The following ATP13A3 variants were observed in gnomAD, a reference collection of about 807,000 sequenced individuals.
ATP13A3 encodes ATPase 13A3.
ATP13A3 carries 59 observed loss-of-function variants against 158.1 expected under a neutral mutation model. The ratio of observed to expected loss-of-function variants is 0.37; its 90% CI spans 0.30 to 0.46. The LOEUF (loss-of-function observed/expected upper bound fraction) is 0.46, where lower values mean the gene tolerates loss of function less well. ATP13A3 is among the 20% of genes least tolerant of loss of function. The pLI, the probability that ATP13A3 is intolerant of heterozygous loss-of-function variation, is 1.00. For missense variants in ATP13A3, 1,166 were observed against 1,525.2 expected (o/e 0.76, Z 3.92); for synonymous variants, 491 against 504.3 (o/e 0.97, Z 0.35).
At chr3:194,440,514 AT>A (rs1249834339) in intron 16 of ATP13A3, among the ~76,000 whole-genome samples, 5 of 152,184 alleles carry the variant, frequency 3.3e-5, no homozygotes, top group African/African-American at 7.2e-5. Flanking sequence ...ACCATCCCCC[AT>A]CCCCCAACAA....
At chr3:194,430,442 G>A (rs1034346975) in intron 24 of ATP13A3, 127 bp from the exon 25 acceptor site, 1 of 1,065,734 alleles carries the variant, frequency 9.4e-7, no homozygotes, top group Non-Finnish European at 1.4e-6. Flanking sequence ...GTGGAACTAT[G>A]AATCTTTTCA....
rs529744750 is a variant in ATP13A3, at chr3:194,437,557, G to A, written c.1844C>T (p.Pro615Leu). The A allele has an allele frequency of 3.1e-6, 5 of 1,609,034 alleles. No homozygotes were observed. In the African/African-American group the frequency reaches 5.4e-5, roughly 17 times the overall value. Residue 615 changes from proline (P) to leucine (L), a missense_variant and splice_region_variant, in exon 18 of 34, where the codon CCA (proline) becomes CTA (leucine). Pro to Leu is a moderately conservative substitution (Grantham distance 98, BLOSUM62 -3). Around this residue, in one of 3 missense-constraint regions of ATP13A3, gnomAD observed 997 missense variants for 1,341.2 expected, o/e 0.74. Transcript: ENST00000645319. Reference protein sequence around the residue: ...GNQEMELFELPATYEIGIVRQ... With the variant: ...GNQEMELFELLATYEIGIVRQ... ...AAGAAGTAAACATTCTTCACTTACTGGAAGTTCAAACAGCTCCTAAAAACG... is the reference window on the plus strand; with the variant it reads ...AAGAAGTAAACATTCTTCACTTACTAGAAGTTCAAACAGCTCCTAAAAACG...
chr3:194,437,824 C>A (rs1717766563), intron 17 of ATP13A3, among the ~76,000 whole-genome samples: 1 of 152,024 alleles, frequency 6.6e-6, no homozygotes, highest in Non-Finnish European at 1.5e-5. Context: ...CTAAGGGGTG[C>A]AAGCAAGTGT....
Position 194,427,241 on chromosome 3 carries a change from G to T in ATP13A3, c.2959C>A (p.Pro987Thr). 6.2e-7 allele frequency: 1 copy of T among 1,600,682 alleles called. No homozygotes were observed. The highest frequency in any genetic ancestry group is 8.5e-7 in the Non-Finnish European group (1 of 1,176,868). ...LVVVFTMSLN[P>T]AWKELVAQRP... ...TGTGCCACAAGTTCTTTCCAGGCAGGATTTAAACTCACTATATTGAAAAGA... is the reference window on the plus strand; with the variant it reads ...TGTGCCACAAGTTCTTTCCAGGCAGTATTTAAACTCACTATATTGAAAAGA... The change falls in exon 29 of 34, where the codon CCT (proline) becomes ACT (threonine). Residue 987 changes from proline to threonine, a missense_variant. By Grantham distance (38) the Pro-to-Thr change is conservative (BLOSUM62 -1). Transcript: ENST00000645319.
chr3:194,419,755 T>C, intron 31 of ATP13A3, 124 bp downstream of exon 31: 1 of 1,410,360 alleles, frequency 7.1e-7, no homozygotes, highest in Non-Finnish European at 9.3e-7. Flanking sequence ...CTTTATTCTC[T>C]GTAGAGTATC....
At chr3:194,430,235 T>G in intron 25 of ATP13A3, 38 bp downstream of exon 25, 1 of 1,613,278 alleles carries the variant, frequency 6.2e-7, no homozygotes, top group African/African-American at 1.3e-5. Context: ...TAGGCTAGAG[T>G]AAGAACTATA....
intron 2 of ATP13A3, among the ~76,000 whole-genome samples, chr3:194,465,358 A>C (rs1388752587): frequency 6.6e-6 from 1 of 152,130 alleles, no homozygotes; most frequent in East Asian, 1.9e-4. Flanking sequence ...TAAGAACACG[A>C]CTGACCTGCA....
intron 1 of ATP13A3, among the ~76,000 whole-genome samples, 199 bp downstream of exon 1, chr3:194,486,367 C>T (rs992903360): frequency 4.6e-5 from 7 of 151,286 alleles, no homozygotes; most frequent in Admixed American, 6.6e-5. Flanking sequence ...GGCGGCGCGT[C>T]CCCCCCAGGC....
At chr3:194,472,515 C>T (rs931318737) in intron 2 of ATP13A3, among the ~76,000 whole-genome samples, 1 of 152,136 alleles carries the variant, frequency 6.6e-6, no homozygotes, top group Non-Finnish European at 1.5e-5. Flanking sequence ...GGAGAAAAGG[C>T]TGAGTTACAA....
chr3:194,461,744 G>A (rs569012875), intron 3 of ATP13A3, among the ~76,000 whole-genome samples: 1 of 152,004 alleles, frequency 6.6e-6, no homozygotes, highest in East Asian at 1.9e-4. Flanking sequence ...CATCTTTCTG[G>A]CTCCCCCCAA....
intron 30 of ATP13A3, 86 bp downstream of exon 30, chr3:194,425,256 G>T: frequency 8.0e-7 from 1 of 1,243,808 alleles, no homozygotes. Context: ...CTGGTTTACT[G>T]TGGCAAAGAC....
chr3:194,454,479 T>C, intron 8 of ATP13A3, 87 bp from the exon 9 acceptor site: 2 of 1,312,428 alleles, frequency 1.5e-6, no homozygotes, highest in Non-Finnish European at 2.1e-6. Context: ...AACAAAAAGA[T>C]ACAAATATGT....
At chr3:194,437,072 C>T in intron 20 of ATP13A3, 23 bp downstream of exon 20, 1 of 1,608,982 alleles carries the variant, frequency 6.2e-7, no homozygotes, top group South Asian at 1.1e-5. Flanking sequence ...GACTGGGAAA[C>T]TAGGAAAGCC....
intron 2 of ATP13A3, among the ~76,000 whole-genome samples, chr3:194,471,454 A>G (rs1720302431): frequency 6.6e-6 from 1 of 152,038 alleles, no homozygotes; most frequent in African/African-American, 2.4e-5. Context: ...TCCGGGTTCA[A>G]GCAATTCTCT....
chr3:194,407,988 C>A (rs933386647), intron 33 of ATP13A3, among the ~76,000 whole-genome samples: 2 of 151,722 alleles, frequency 1.3e-5, no homozygotes, highest in Non-Finnish European at 2.9e-5. Context: ...GGGAAAAAAA[C>A]CACTGTTCCT....
At chr3:194,486,334 G>C (rs1250021274) in intron 1 of ATP13A3, among the ~76,000 whole-genome samples, 3 of 151,892 alleles carry the variant, frequency 2.0e-5, no homozygotes, top group African/African-American at 4.8e-5. Flanking sequence ...CCAAGCGCCC[G>C]GCCCCCACGC....
At chr3:194,453,376 T>C (rs921321113) in intron 10 of ATP13A3, among the ~76,000 whole-genome samples, 2 of 150,984 alleles carry the variant, frequency 1.3e-5, no homozygotes, top group East Asian at 3.9e-4. Flanking sequence ...GCAGATCACT[T>C]CAGCCCAGAA....
In ATP13A3 at chr3:194,494,297, C is replaced by T. The variant is rs1314821107; in HGVS notation, n.516-17G>A. On this transcript the variant is annotated splice_polypyrimidine_tract_variant and intron_variant and non_coding_transcript_variant, in intron 1 of 32. Coordinates refer to the ATP13A3 transcript ENST00000687055. The surrounding 1 kb of genome is among the most constrained non-coding windows in gnomAD (Gnocchi z 4.2). Reference sequence around the variant, plus strand: ...GAAAGTATGCTGAGTAAGTGGAGAACAAGTTAACATTGATTTTCACAACCA... The same window carrying T: ...GAAAGTATGCTGAGTAAGTGGAGAATAAGTTAACATTGATTTTCACAACCA... 5.0e-6 allele frequency: 2 copies of T among 398,392 alleles called. No homozygotes were observed. Among genetic ancestry groups the T allele is most frequent in the Non-Finnish European group, 8.8e-6 (2 of 226,060 alleles). 24.7% of individuals were successfully genotyped at this position (398,392 alleles called of 1,614,324 possible).
At chr3:194,425,912 G>A (rs1477781602) in intron 29 of ATP13A3, among the ~76,000 whole-genome samples, 2 of 152,132 alleles carry the variant, frequency 1.3e-5, no homozygotes, top group Non-Finnish European at 2.9e-5. Flanking sequence ...CCTCCTCGCT[G>A]GTTAAATGTT....
Sources: allele counts gnomAD v4.1 joint callset (sites outside exome capture counted in the v4.1 genomes callset), GRCh38; gene constraint gnomAD v4.1.1; regional missense constraint gnomAD v4.1.1; non-coding constraint Gnocchi (gnomAD v3.1); transcripts MANE v1.5; gene names NCBI Gene and HGNC (gene_info 2026-07-23, HGNC 2026-07-21).